FXR2: variants seen among roughly 807,000 people sequenced by gnomAD.
The protein encoded by FXR2 is RNA-binding protein FXR2.
A neutral mutation model predicts 87.3 loss-of-function variants in FXR2; 9 were observed. The observed-to-expected ratio is 0.10, with a 90% CI of 0.06 to 0.18. The LOEUF (loss-of-function observed/expected upper bound fraction) is 0.18. Among genes scored for constraint, FXR2 ranks in the 10% least tolerant of loss-of-function variants. The probability of loss-of-function intolerance (pLI) is 1.00; values close to 1 mark genes in which losing one functional copy is unlikely to be tolerated. For synonymous variants in FXR2, 331 were observed against 328.3 expected (o/e 1.01, Z -0.09); for missense variants, 661 against 893.6 (o/e 0.74, Z 3.32).
At position 7,592,584 on chromosome 17, in the gene FXR2, G is replaced by A. The variant is rs2150939697; in HGVS notation, c.1745C>T (p.Pro582Leu). The change falls in exon 15 of 17, where the codon CCT (proline) becomes CTT (leucine). Residue 582 changes from proline (P) to leucine (L), a missense_variant. Pro to Leu is a moderately conservative substitution (Grantham distance 98, BLOSUM62 -3). Coordinates refer to ENST00000250113, the MANE Select transcript of FXR2 (RefSeq NM_004860.4). The surrounding 1 kb of genome is among the most constrained non-coding windows in gnomAD (Gnocchi z 4.8). ...GCGGCGGCTGCGATTACGACGTTGA[G>A]GTCTTGATTCATCTTCTGTAGGGTA... Reference protein sequence around the residue: ...TENGLEDESRPQRRNRSRRRR... With the variant: ...TENGLEDESRLQRRNRSRRRR... The A allele has an allele frequency of 3.7e-6, 6 of 1,613,292 alleles. No individual in the cohort carries two copies. Among genetic ancestry groups the A allele is most frequent in the Non-Finnish European group, 5.1e-6 (6 of 1,179,656 alleles).
chr17:7,613,797 G>A (rs185325097), intron 1 of FXR2: 26 of 340,418 alleles, frequency 7.6e-5, no homozygotes, highest in Admixed American at 3.4e-4. Context: ...TTGAGATCAA[G>A]GTGTGGTGGG....
At chr17:7,609,924 GTATATGTATATATATA>G (rs1299576838) in intron 1 of FXR2, among the ~76,000 whole-genome samples, 10 of 120,796 alleles carry the variant, frequency 8.3e-5, no homozygotes, top group Admixed American at 1.8e-4. Flanking sequence ...ATATATACAT[GTATATGTATATATATA>G]CATGTATATG....
At chr17:7,599,226 G>A (rs556764492) in intron 7 of FXR2, among the ~76,000 whole-genome samples, 37 of 151,710 alleles carry the variant, frequency 2.4e-4, no homozygotes, top group African/African-American at 7.5e-4. Context: ...TTGAGCTCGG[G>A]GGGTAGAGAC....
chr17:7,601,280 G>A lies in FXR2; in HGVS notation c.660+129C>T, dbSNP rs952894829. 4.8e-5 allele frequency: 30 copies of A among 625,648 alleles called. No homozygotes were observed. In the Admixed American group the frequency reaches 7.2e-4, roughly 15 times the overall value. 38.8% of individuals were successfully genotyped at this position (625,648 alleles called of 1,614,324 possible). A position where few individuals can be genotyped will look rare whatever the true frequency, so the allele number is the denominator to read the frequency against. ...TGGAGGAGTCTGAGATAAAATAGCT[G>A]ACCCAGGTTTAATTGCCCAGAAAAA... On this transcript the variant is annotated intron_variant, in intron 7 of 16. Transcript: ENST00000250113.
intron 7 of FXR2, among the ~76,000 whole-genome samples, chr17:7,598,337 C>T (rs2071724736): frequency 6.6e-6 from 1 of 152,122 alleles, no homozygotes; most frequent in Admixed American, 6.6e-5. Flanking sequence ...CGCCTGTAGT[C>T]CCAGCTTCTC....
rs1261462274 is a variant in FXR2 at position 7,594,631 on chromosome 17, A to G, written c.910+48T>C. Reference sequence around the variant, plus strand: ...GGATAAAAGCTCAGAATCACTGTAGAGAATCTTGATTCTGACCTCTAACTG... The same window carrying G: ...GGATAAAAGCTCAGAATCACTGTAGGGAATCTTGATTCTGACCTCTAACTG... On this transcript the variant is annotated intron_variant, in intron 9 of 16. Coordinates refer to ENST00000250113, the MANE Select transcript of FXR2 (RefSeq NM_004860.4). The surrounding 1 kb of genome is among the most constrained non-coding windows in gnomAD (Gnocchi z 5.1). 8.7e-7 allele frequency: 1 copy of G among 1,151,330 alleles called. No homozygotes were observed. The highest frequency in any genetic ancestry group is 1.7e-5 in the Admixed American group (1 of 59,230). The allele number at this position is 1,151,330 out of a possible 1,614,324, so 71.3% of individuals were successfully genotyped here. A position where few individuals can be genotyped will look rare whatever the true frequency, so the allele number is the denominator to read the frequency against.
chr17:7,599,865 C>T (rs920421652), intron 7 of FXR2, among the ~76,000 whole-genome samples: 5 of 152,074 alleles, frequency 3.3e-5, no homozygotes, highest in South Asian at 2.1e-4. Context: ...GCGACAGAGA[C>T]GCTATCTCAA....
In FXR2 at chr17:7,592,052, A is replaced by AT; in HGVS notation, c.1927-128dup. The AT allele has an allele frequency of 7.3e-7, 1 of 1,373,330 alleles. No homozygotes were observed. Among genetic ancestry groups the AT allele is most frequent in the Non-Finnish European group, 9.7e-7 (1 of 1,028,700 alleles). The allele number at this position is 1,373,330 out of a possible 1,614,324, so 85.1% of individuals were successfully genotyped here. On this transcript the variant is annotated intron_variant, in intron 16 of 16. Coordinates refer to ENST00000250113, the MANE Select transcript of FXR2 (RefSeq NM_004860.4). This position sits in a 1 kb window ranked among gnomAD's most constrained non-coding sequence, Gnocchi z 4.8. ...ATCCAGAGGTTGGTTCCCTGATCTC[A>AT]TGATCCAGTCTCTCTTACTTGGGAT...
chr17:7,592,024 G>A lies in FXR2; in HGVS notation c.1927-99C>T. The A allele has an allele frequency of 8.2e-7, 1 of 1,225,030 alleles. No individual in the cohort carries two copies. The highest frequency in any genetic ancestry group is 1.5e-5 in the South Asian group (1 of 66,306). 75.9% of individuals were successfully genotyped at this position (1,225,030 alleles called of 1,614,324 possible). A position where few individuals can be genotyped will look rare whatever the true frequency, so the allele number is the denominator to read the frequency against. ...ACCATCCAAGCCCTCCTGGCATTTG[G>A]TGATCCAGAGGTTGGTTCCCTGATC... On this transcript the variant is annotated intron_variant, in intron 16 of 16. Transcript: ENST00000250113. The surrounding 1 kb of genome is among the most constrained non-coding windows in gnomAD (Gnocchi z 4.8).
intron 7 of FXR2, among the ~76,000 whole-genome samples, chr17:7,601,164 G>A (rs947789306): frequency 1.3e-5 from 2 of 149,692 alleles, no homozygotes; most frequent in African/African-American, 4.9e-5. Context: ...AGGCGACACA[G>A]CGAGACTCTG....
intron 7 of FXR2, chr17:7,596,540 T>C (rs1218331604): frequency 6.5e-6 from 1 of 153,000 alleles, no homozygotes; most frequent in Non-Finnish European, 1.5e-5. Flanking sequence ...GAGTTTGGAC[T>C]GGGACACACC....
intron 1 of FXR2, chr17:7,614,180 G>C (rs1375718855): frequency 3.0e-6 from 2 of 659,204 alleles, no homozygotes; most frequent in East Asian, 5.9e-5. Flanking sequence ...CCTGCGGAGC[G>C]GGGAGCGCCA....
intron 7 of FXR2, among the ~76,000 whole-genome samples, chr17:7,596,960 C>T (rs930128915): frequency 6.6e-6 from 1 of 152,048 alleles, no homozygotes; most frequent in African/African-American, 2.4e-5. Context: ...ATTAGCTGGC[C>T]TTGGTGGGGT....
intron 1 of FXR2, among the ~76,000 whole-genome samples, chr17:7,609,933 T>TACATATACATGTATATGTATAC (rs1410866188): frequency 3.8e-5 from 4 of 103,956 alleles, no homozygotes; most frequent in South Asian, 3.1e-4. Flanking sequence ...TGTATATGTA[T>TACATATACATGTATATGTATAC]ATATATACAT....
chr17:7,598,889 T>C (rs2034106660), intron 7 of FXR2, among the ~76,000 whole-genome samples: 1 of 152,166 alleles, frequency 6.6e-6, no homozygotes, highest in South Asian at 2.1e-4. Context: ...CTCATGCCTG[T>C]AATCCCAGTA....
At chr17:7,603,095 C>T in intron 5 of FXR2, 93 bp from the exon 6 acceptor site, 1 of 672,126 alleles carries the variant, frequency 1.5e-6, no homozygotes, top group Non-Finnish European at 2.7e-6. Context: ...ACCTGTAATC[C>T]TAGCACTTTG....
intron 1 of FXR2, among the ~76,000 whole-genome samples, chr17:7,610,005 CAT>C (rs113172845): frequency 0.12 from 12,006 of 98,068 alleles, 912 homozygotes; most frequent in Non-Finnish European, 0.15. Context: ...TATATGTATA[CAT>C]ATATATATAC....
Position 7,593,169 on chromosome 17 carries a change from T to C in FXR2, c.1343A>G (p.Asp448Gly), listed in dbSNP as rs1196583793. The C allele has an allele frequency of 6.6e-7, 1 of 1,524,878 alleles. No homozygotes were observed. The highest frequency in any genetic ancestry group is 2.3e-5 in the East Asian group (1 of 44,134). 94.5% of individuals were successfully genotyped at this position (1,524,878 alleles called of 1,614,324 possible). ...TGGPAYGPSSDVSTASETESE... is the reference protein window; with the variant it reads ...TGGPAYGPSSGVSTASETESE... Reference sequence around the variant, plus strand: ...CTCAGTCTCTGAAGCTGTAGACACATCTGAGCTGGGGCCTGAAGAACACAA... The same window carrying C: ...CTCAGTCTCTGAAGCTGTAGACACACCTGAGCTGGGGCCTGAAGAACACAA... Residue 448 changes from aspartate to glycine, a missense_variant, in exon 13 of 17, where the codon GAT becomes GGT. Asp to Gly is a moderately conservative substitution (Grantham distance 94, BLOSUM62 -1). Around this residue, in one of 3 missense-constraint regions of FXR2, gnomAD observed 409 missense variants for 432.0 expected, o/e 0.95. Transcript: ENST00000250113. The surrounding 1 kb of genome is among the most constrained non-coding windows in gnomAD (Gnocchi z 6.1).
intron 6 of FXR2, 40 bp downstream of exon 6, chr17:7,602,869 T>C (rs1028102828): frequency 2.3e-5 from 22 of 943,234 alleles, no homozygotes; most frequent in Non-Finnish European, 3.6e-5. Flanking sequence ...AGAAAAAATG[T>C]TCAAAAGGCT....
Sources: gnomAD v4.1 joint callset for allele counts (sites outside exome capture counted in the v4.1 genomes callset) on GRCh38, gnomAD v4.1.1 for gene constraint, gnomAD v4.1.1 regional missense constraint, Gnocchi (gnomAD v3.1) non-coding constraint, MANE v1.5 for transcripts, NCBI Gene and HGNC (gene_info 2026-07-23, HGNC 2026-07-21) for gene names.